The following NFIX variants were observed in gnomAD, a reference collection of about 807,000 sequenced individuals.
The protein encoded by NFIX is nuclear factor I X, also known as nuclear factor 1 X-type.
NFIX carries 2 observed loss-of-function variants against 53.3 expected under a neutral mutation model. That is an observed-to-expected ratio of 0.04 (90% CI 0.02 to 0.12). The LOEUF (loss-of-function observed/expected upper bound fraction) is 0.12. Among genes scored for constraint, NFIX ranks in the 10% least tolerant of loss-of-function variants. NFIX has a pLI of 1.00. For missense variants in NFIX, 310 were observed against 674.5 expected, an observed-to-expected ratio of 0.46 and a Z score of 5.99; for synonymous variants, 244 against 289.0, an observed-to-expected ratio of 0.84 and a Z score of 1.58.
intron 2 of NFIX, among the ~76,000 whole-genome samples, chr19:13,026,941 A>G (rs1322581733): frequency 6.6e-6 from 1 of 152,194 alleles, no homozygotes; most frequent in Admixed American, 6.5e-5. Context: ...GTGATTCACA[A>G]TGGCTGTGGT....
Position 13,009,888 on chromosome 19 carries a change from C to G in NFIX, c.27+14024C>G, listed in dbSNP as rs929788544. On this transcript the variant is annotated intron_variant, in intron 1 of 10. Transcript: ENST00000592199. This position sits in a 1 kb window ranked among gnomAD's most constrained non-coding sequence, Gnocchi z 4.7. ...TCCTTTGGGGGATTTGGTGGTAGAA[C>G]GGGGCCGGGGGTCTTCAAAGGCAGA... Among the ~76,000 whole-genome samples the G allele has an allele frequency of 1.3e-5, 2 of 152,144 alleles. No homozygotes were observed. Among genetic ancestry groups the G allele is most frequent in the Admixed American group, 6.5e-5 (1 of 15,282 alleles).
chr19:13,059,471 G>A (rs985012753), intron 2 of NFIX, among the ~76,000 whole-genome samples: 1 of 152,222 alleles, frequency 6.6e-6, no homozygotes, highest in African/African-American at 2.4e-5. Flanking sequence ...TACCCCCAGC[G>A]TGAGGCCAGG....
Position 13,067,242 on chromosome 19 carries a change from C to A in NFIX, c.560-5805C>A, listed in dbSNP as rs931431891. 6.6e-6 allele frequency among the ~76,000 whole-genome samples: 1 copy of A among 152,048 alleles called. No homozygotes were observed. Among genetic ancestry groups the A allele is most frequent in the Non-Finnish European group, 1.5e-5 (1 of 67,994 alleles). On this transcript the variant is annotated intron_variant, in intron 2 of 10. Transcript: ENST00000592199. This position sits in a 1 kb window ranked among gnomAD's most constrained non-coding sequence, Gnocchi z 4.2. ...GGGTGTTGCAGCTGCCCAGAGGCAC[C>A]CCCAGAACAGAATGTACCCCCACTT... is the stretch of plus-strand genomic sequence containing the variant.
In NFIX at chr19:13,060,654, C is replaced by T. The variant is rs2016015787; in HGVS notation, c.560-12393C>T. ...GGGGTAGGGAGCAGCCCTCGCACAG[C>T]CAGCTAGACTGTTTTGCTCTGGGGC... On this transcript the variant is annotated intron_variant, in intron 2 of 10. Transcript: ENST00000592199. The surrounding 1 kb of genome is among the most constrained non-coding windows in gnomAD (Gnocchi z 4.3). Among the ~76,000 whole-genome samples, 1 of 152,182 alleles carries T rather than the reference C, an allele frequency of 6.6e-6. No individual in the cohort carries two copies.
chr19:13,062,498 C>T (rs1568305450), intron 2 of NFIX, among the ~76,000 whole-genome samples: 1 of 152,186 alleles, frequency 6.6e-6, no homozygotes, highest in East Asian at 1.9e-4. Context: ...ACAGAGAGGG[C>T]TTGTCCTCAA....
At chr19:13,062,604 A>G (rs1019023653) in intron 2 of NFIX, among the ~76,000 whole-genome samples, 1 of 152,192 alleles carries the variant, frequency 6.6e-6, no homozygotes, top group African/African-American at 2.4e-5. Context: ...TTCCAGAGCT[A>G]GAGCCTCCCA....
intron 2 of NFIX, among the ~76,000 whole-genome samples, chr19:13,038,260 C>T (rs1032470263): frequency 5.9e-5 from 9 of 152,266 alleles, no homozygotes; most frequent in Non-Finnish European, 1.0e-4. Flanking sequence ...ATGGAAAAAT[C>T]ATCAAATACC....
In NFIX at chr19:13,067,811, AT is replaced by A. The variant is rs1371931294; in HGVS notation, c.560-5234del. 6.6e-6 allele frequency among the ~76,000 whole-genome samples: 1 copy of A among 152,044 alleles called. No individual in the cohort carries two copies. Among genetic ancestry groups the A allele is most frequent in the Non-Finnish European group, 1.5e-5 (1 of 68,014 alleles). On this transcript the variant is annotated intron_variant, in intron 2 of 10. Coordinates refer to ENST00000592199, the MANE Select transcript of NFIX (RefSeq NM_001365902.3). This position sits in a 1 kb window ranked among gnomAD's most constrained non-coding sequence, Gnocchi z 4.2. ...GTAGGTGGAAAATATATATATATAT[AT>A]TAAAAACATGCATCCGGGCACGGTG...
In NFIX at chr19:13,001,979, C is replaced by G. The variant is rs544207390; in HGVS notation, c.27+6115C>G. Among the ~76,000 whole-genome samples, 6 of 152,278 alleles carry G rather than the reference C, an allele frequency of 3.9e-5. No homozygotes were observed. In the South Asian group the frequency reaches 1.2e-3, roughly 32 times the overall value. On this transcript the variant is annotated intron_variant, in intron 1 of 10. Transcript: ENST00000592199. This position sits in a 1 kb window ranked among gnomAD's most constrained non-coding sequence, Gnocchi z 6.5. ...TGTGTTCGGGCCGCCCACAGGCCTC[C>G]CTCTGTCTGCCCGGCGCACATTGAT...
rs774369801 is a variant in NFIX at position 13,020,355 on chromosome 19, TG to T, written c.28-4664del. On this transcript the variant is annotated intron_variant, in intron 1 of 10. Transcript: ENST00000592199. ...TGAAGGGTGCTTGAAATGTTTCTAA[TG>T]GAACCCGAGCAATTCCTCTGTGTGC... Among the ~76,000 whole-genome samples, 4 of 152,046 alleles carry T rather than the reference TG, an allele frequency of 2.6e-5. No individual in the cohort carries two copies. The East Asian group carries it at 7.7e-4, about 29-fold the overall frequency.
intron 1 of NFIX, chr19:13,024,712 G>A (rs1433140552): frequency 2.0e-6 from 3 of 1,536,148 alleles, no homozygotes; most frequent in Admixed American, 2.0e-5. Context: ...TTGTCTGTGC[G>A]CGTGTGTGTG....
At position 12,995,641 on chromosome 19, in the gene NFIX, C is replaced by A. The variant is rs1389413430; in HGVS notation, c.-197C>A. 1 of 143,672 alleles carries A rather than the reference C, an allele frequency of 7.0e-6. No individual in the cohort carries two copies. Among genetic ancestry groups the A allele is most frequent in the Non-Finnish European group, 1.5e-5 (1 of 64,996 alleles). 8.9% of individuals were successfully genotyped at this position (143,672 alleles called of 1,614,324 possible). A position where few individuals can be genotyped will look rare whatever the true frequency, so the allele number is the denominator to read the frequency against. On this transcript the variant is annotated 5_prime_UTR_variant, in exon 1 of 11. Coordinates refer to ENST00000592199, the MANE Select transcript of NFIX (RefSeq NM_001365902.3). The stretch of plus-strand genomic sequence containing the variant: ...GGCGGCGGCGGCGGCAGCGGCGGCC[C>A]CGGAGCCGGCGGGGCCGAGCTTGCG...
intron 2 of NFIX, among the ~76,000 whole-genome samples, chr19:13,030,598 A>G (rs1394393040): frequency 6.6e-6 from 1 of 151,958 alleles, no homozygotes; most frequent in Admixed American, 6.5e-5. Flanking sequence ...CCTGAATATC[A>G]CCAGTCCCTA....
In NFIX at chr19:13,073,533, T is replaced by C; in HGVS notation, c.697+37T>C. 2 of 1,588,082 alleles carry C rather than the reference T, an allele frequency of 1.3e-6. No individual in the cohort carries two copies. Among genetic ancestry groups the C allele is most frequent in the Non-Finnish European group, 1.7e-6 (2 of 1,156,520 alleles). On this transcript the variant is annotated intron_variant, in intron 4 of 10. Transcript: ENST00000592199. This position sits in a 1 kb window ranked among gnomAD's most constrained non-coding sequence, Gnocchi z 4.5. The stretch of plus-strand genomic sequence containing the variant: ...CTTCCTTCCAGGCCAGGGATGGGGA[T>C]TGAAAGTGAGGAGGTGGGACCTCAT...
At position 13,001,073 on chromosome 19, in the gene NFIX, C is replaced by G. The variant is rs1469827498; in HGVS notation, c.27+5209C>G. On this transcript the variant is annotated intron_variant, in intron 1 of 10. Transcript: ENST00000592199. The surrounding 1 kb of genome is among the most constrained non-coding windows in gnomAD (Gnocchi z 6.5). ...CTCCAACACGGTGCTGAGAATGGGCCTTCTGTCCCCTCCCTCCCAGCTGGG... is the reference window on the plus strand; with the variant it reads ...CTCCAACACGGTGCTGAGAATGGGCGTTCTGTCCCCTCCCTCCCAGCTGGG... Among the ~76,000 whole-genome samples, 1 of 152,116 alleles carries G rather than the reference C, an allele frequency of 6.6e-6. No homozygotes were observed. Among genetic ancestry groups the G allele is most frequent in the African/African-American group, 2.4e-5 (1 of 41,418 alleles).
rs1156634941 is a variant in NFIX at position 13,040,008 on chromosome 19, G to A, written c.559+14456G>A. 6.6e-6 allele frequency among the ~76,000 whole-genome samples: 1 copy of A among 152,204 alleles called. No homozygotes were observed. Among genetic ancestry groups the A allele is most frequent in the Non-Finnish European group, 1.5e-5 (1 of 68,038 alleles). On this transcript the variant is annotated intron_variant, in intron 2 of 10. Coordinates refer to ENST00000592199, the MANE Select transcript of NFIX (RefSeq NM_001365902.3). This position sits in a 1 kb window ranked among gnomAD's most constrained non-coding sequence, Gnocchi z 4.2. ...GTGGGCATTATGAGGGGAGAATCCT[G>A]ACAGAGGAGGGGCAGTGGAAGCTTC...
Position 12,998,682 on chromosome 19 carries a change from GGGGATGTAAGTGTCCT to G in NFIX, c.27+2820_27+2835del, listed in dbSNP as rs549147547. 9.8e-4 allele frequency among the ~76,000 whole-genome samples: 149 copies of G among 152,256 alleles called. 1 individual carries two copies. Among genetic ancestry groups the G allele is most frequent in the African/African-American group, 3.6e-3 (148 of 41,536 alleles). On this transcript the variant is annotated intron_variant, in intron 1 of 10. Transcript: ENST00000592199. The surrounding 1 kb of genome is among the most constrained non-coding windows in gnomAD (Gnocchi z 4.4). ...CGTACACCACCATCACCGCCAAGAT[GGGGATGTAAGTGTCCT>G]GTTCACACCGATGTCCAGACCCACG...
intron 1 of NFIX, among the ~76,000 whole-genome samples, chr19:13,004,282 ACT>A (rs2011889966): frequency 6.6e-6 from 1 of 152,036 alleles, no homozygotes; most frequent in Non-Finnish European, 1.5e-5. Flanking sequence ...AACCCTTGAC[ACT>A]CATTACACAT....
At chr19:13,007,450 C>T (rs1006435276) in intron 1 of NFIX, among the ~76,000 whole-genome samples, 46 of 152,214 alleles carry the variant, frequency 3.0e-4, no homozygotes, top group Non-Finnish European at 3.5e-4. Flanking sequence ...TTCTGATTGC[C>T]CTGCACCTGG....
Sources: gnomAD v4.1 joint callset for allele counts (sites outside exome capture counted in the v4.1 genomes callset) on GRCh38, gnomAD v4.1.1 for gene constraint, Gnocchi (gnomAD v3.1) non-coding constraint, MANE v1.5 for transcripts, NCBI Gene and HGNC (gene_info 2026-07-23, HGNC 2026-07-21) for gene names.